The following CRIM1 variants were observed in gnomAD, a reference collection of about 807,000 sequenced individuals.
CRIM1 encodes the protein cysteine-rich motor neuron 1 protein.
Under a neutral mutation model 116.4 loss-of-function variants are expected in CRIM1, and 32 were observed. The ratio of observed to expected loss-of-function variants is 0.27; its 90% confidence interval spans 0.21 to 0.37. The LOEUF (loss-of-function observed/expected upper bound fraction) is 0.37. Ranked by LOEUF, CRIM1 falls within the 10% of genes least tolerant of loss-of-function variation. The pLI, the probability that CRIM1 is intolerant of heterozygous loss-of-function variation, is 1.00. For synonymous variants in CRIM1, 590 were observed against 509.2 expected (o/e 1.16, Z -2.13); for missense variants, 1,331 against 1,354.8 (o/e 0.98, Z 0.28).
At chr2:36,521,631 T>G (rs1264419147) in intron 12 of CRIM1, among the ~76,000 whole-genome samples, 2 of 152,198 alleles carry the variant, frequency 1.3e-5, no homozygotes, top group African/African-American at 4.8e-5. Context: ...TGTGGAAGGA[T>G]GATGGCAGAA....
intron 1 of CRIM1, among the ~76,000 whole-genome samples, chr2:36,357,282 A>G (rs1003886594): frequency 2.0e-5 from 3 of 151,990 alleles, no homozygotes; most frequent in Admixed American, 1.3e-4. Flanking sequence ...CTCTCCTGAA[A>G]GGAAAGGGGG....
At chr2:36,516,835 G>A (rs1455664919) in intron 11 of CRIM1, among the ~76,000 whole-genome samples, 1 of 152,182 alleles carries the variant, frequency 6.6e-6, no homozygotes, top group African/African-American at 2.4e-5. Flanking sequence ...ATAGACTTGG[G>A]TTGCAGTTTC....
chr2:36,376,081 G>A (rs1670296665), intron 1 of CRIM1, among the ~76,000 whole-genome samples: 1 of 152,164 alleles, frequency 6.6e-6, no homozygotes, highest in South Asian at 2.1e-4. Context: ...GAAAGGGAGA[G>A]AGGGCCTGGA....
At chr2:36,378,888 C>G (rs1292421815) in intron 1 of CRIM1, 1 of 142,984 alleles carries the variant, frequency 7.0e-6, no homozygotes, top group Non-Finnish European at 1.5e-5. Context: ...ACAAAGGTGA[C>G]AAGAACATGA....
intron 1 of CRIM1, among the ~76,000 whole-genome samples, chr2:36,381,612 C>G (rs768289438): frequency 6.6e-6 from 1 of 152,140 alleles, no homozygotes; most frequent in Non-Finnish European, 1.5e-5. Flanking sequence ...TATTAGAAAG[C>G]GGAAAAGACC....
At chr2:36,485,167 G>T (rs936723463) in intron 7 of CRIM1, among the ~76,000 whole-genome samples, 1 of 152,194 alleles carries the variant, frequency 6.6e-6, no homozygotes, top group Non-Finnish European at 1.5e-5. Flanking sequence ...GATTCACTGT[G>T]CATGGATTCC....
At chr2:36,470,947 A>T (rs1029251698) in intron 5 of CRIM1, among the ~76,000 whole-genome samples, 1 of 152,208 alleles carries the variant, frequency 6.6e-6, no homozygotes, top group South Asian at 2.1e-4. Flanking sequence ...ATTAACATGG[A>T]GTTTGGAAGA....
chr2:36,445,985 A>G (rs1324416132), intron 4 of CRIM1, among the ~76,000 whole-genome samples: 1 of 152,238 alleles, frequency 6.6e-6, no homozygotes, highest in African/African-American at 2.4e-5. Context: ...CATTGTTAAG[A>G]AATTAGAGCC....
chr2:36,513,851 G>A, intron 11 of CRIM1, 86 bp downstream of exon 11: 1 of 1,246,468 alleles, frequency 8.0e-7, no homozygotes. Context: ...CTCTGGGGAG[G>A]TTGGAGGGGA....
intron 8 of CRIM1, among the ~76,000 whole-genome samples, chr2:36,504,704 A>T (rs939843706): frequency 6.6e-6 from 1 of 152,240 alleles, no homozygotes; most frequent in South Asian, 2.1e-4. Context: ...AGCAACTAGT[A>T]ACCTAACACT....
At chr2:36,501,331 A>T (rs1415040331) in intron 8 of CRIM1, among the ~76,000 whole-genome samples, 1 of 152,210 alleles carries the variant, frequency 6.6e-6, no homozygotes, top group African/African-American at 2.4e-5. Flanking sequence ...ATTTTTGAAG[A>T]AGATACAAAA....
chr2:36,463,073 C>T (rs1032540372), intron 4 of CRIM1, among the ~76,000 whole-genome samples: 1 of 152,202 alleles, frequency 6.6e-6, no homozygotes, highest in Non-Finnish European at 1.5e-5. Context: ...CTAACACCCT[C>T]TTCTCCCAGG....
chr2:36,364,098 T>G (rs1423072394), intron 1 of CRIM1, among the ~76,000 whole-genome samples: 1 of 152,126 alleles, frequency 6.6e-6, no homozygotes, highest in Non-Finnish European at 1.5e-5. Flanking sequence ...GGGGGTTAAG[T>G]GAGATAAAAC....
At chr2:36,506,215 A>T (rs1681409662) in intron 8 of CRIM1, among the ~76,000 whole-genome samples, 1 of 135,134 alleles carries the variant, frequency 7.4e-6, no homozygotes, top group East Asian at 2.2e-4. Flanking sequence ...ACACACACAC[A>T]CTCAGATTAG....
In CRIM1 at chr2:36,356,351, T is replaced by TGCTGGG; in HGVS notation, c.64_69dup (p.Gly22_Leu23dup). On this transcript the variant is annotated inframe_insertion, in exon 1 of 17. Coordinates refer to ENST00000280527, the MANE Select transcript of CRIM1 (RefSeq NM_016441.3). The surrounding 1 kb of genome is among the most constrained non-coding windows in gnomAD (Gnocchi z 4.3). ...GGCTGCGGGCACCTCCTGGTCTCGC[T>TGCTGGG]GCTGGGGCTGCTGCTGCTGCTGGCG... The TGCTGGG allele has an allele frequency of 3.1e-6, 5 of 1,591,986 alleles. No individual in the cohort carries two copies. Among genetic ancestry groups the TGCTGGG allele is most frequent in the Non-Finnish European group, 4.3e-6 (5 of 1,171,834 alleles).
chr2:36,356,239 G>C lies in CRIM1; in HGVS notation c.-54G>C. On this transcript the variant is annotated 5_prime_UTR_variant, in exon 1 of 17. Coordinates refer to ENST00000280527, the MANE Select transcript of CRIM1 (RefSeq NM_016441.3). The surrounding 1 kb of genome is among the most constrained non-coding windows in gnomAD (Gnocchi z 4.3). The stretch of plus-strand genomic sequence containing the variant: ...GCGTGTGCCCCGCGCAGGGGAGGGC[G>C]CCCGCCCCGCTCCCGGCCCGGCTGC... 9.0e-7 allele frequency: 1 copy of C among 1,106,080 alleles called. No homozygotes were observed. Among genetic ancestry groups the C allele is most frequent in the Non-Finnish European group, 1.2e-6 (1 of 832,210 alleles). 68.5% of individuals were successfully genotyped at this position (1,106,080 alleles called of 1,614,324 possible). A position where few individuals can be genotyped will look rare whatever the true frequency, so the allele number is the denominator to read the frequency against.
At chr2:36,526,354 T>C (rs1304793008) in intron 13 of CRIM1, among the ~76,000 whole-genome samples, 1 of 152,164 alleles carries the variant, frequency 6.6e-6, no homozygotes, top group East Asian at 1.9e-4. Context: ...AAAAGAGATT[T>C]CATATGTGGT....
At chr2:36,458,721 A>G (rs1267288741) in intron 4 of CRIM1, among the ~76,000 whole-genome samples, 1 of 152,154 alleles carries the variant, frequency 6.6e-6, no homozygotes, top group Non-Finnish European at 1.5e-5. Context: ...GACAGGGTGC[A>G]GGTGAGTGAG....
At chr2:36,421,840 G>A (rs1366577666) in intron 2 of CRIM1, among the ~76,000 whole-genome samples, 1 of 150,906 alleles carries the variant, frequency 6.6e-6, no homozygotes, top group Admixed American at 6.6e-5. Context: ...ATTTTTAATT[G>A]CCTTCAGTGT....
Sources: gnomAD v4.1 joint callset for allele counts (sites outside exome capture counted in the v4.1 genomes callset) on GRCh38, gnomAD v4.1.1 for gene constraint, Gnocchi (gnomAD v3.1) non-coding constraint, MANE v1.5 for transcripts, NCBI Gene and HGNC (gene_info 2026-07-23, HGNC 2026-07-21) for gene names.